Variants in TOMM40L observed in about 807,000 individuals in gnomAD.
The protein encoded by TOMM40L is mitochondrial import receptor subunit TOM40B.
In TOMM40L, 17 loss-of-function variants were observed where a neutral mutation model predicts 38.3. That is an observed-to-expected ratio of 0.44 (90% confidence interval 0.30 to 0.67). The LOEUF (loss-of-function observed/expected upper bound fraction) is 0.67, where lower values mean the gene tolerates loss of function less well. TOMM40L is among the 30% of genes least tolerant of loss of function. TOMM40L has a pLI of 0.08. For synonymous variants in TOMM40L, 151 were observed against 150.2 expected (o/e 1.01, Z -0.04); for missense variants, 294 against 390.0 (o/e 0.75, Z 2.07).
At position 161,229,852 on chromosome 1, in the gene TOMM40L, T is replaced by C. The variant is rs752758736; in HGVS notation, c.*757T>C. The C allele has an allele frequency of 1.9e-6, 3 of 1,614,108 alleles. No individual in the cohort carries two copies. The highest frequency in any genetic ancestry group is 2.5e-6 in the Non-Finnish European group (3 of 1,180,046). ...CATGGCAGACAGGCCCTGGATGTGC[T>C]GGATTTGGTACCCGTAGGCCTCATT... On this transcript the variant is annotated 3_prime_UTR_variant, in exon 10 of 10. Coordinates refer to ENST00000367988, the MANE Select transcript of TOMM40L (RefSeq NM_032174.6).
chr1:161,229,713 G>C lies in TOMM40L; in HGVS notation c.*618G>C. 1 of 1,614,162 alleles carries C rather than the reference G, an allele frequency of 6.2e-7. No individual in the cohort carries two copies. The highest frequency in any genetic ancestry group is 8.5e-7 in the Non-Finnish European group (1 of 1,180,022). On this transcript the variant is annotated 3_prime_UTR_variant, in exon 10 of 10. Transcript: ENST00000367988. ...CAACCACTGGGCTCCCTTTGAACCC[G>C]GCCCAATCTTTGGTCCCAGCATTTT...
In TOMM40L at chr1:161,228,436, T is replaced by C; in HGVS notation, c.616T>C (p.Trp206Arg). ...TACTTTGGATTTTACAGCTGTACAC[T>C]GGGTAGCTACATTGAATGTGGGATC... is the stretch of plus-strand genomic sequence containing the variant. ...TLAGKYSAVH[W>R]VATLNVGSGG... The change falls in exon 8 of 10, where the codon TGG (tryptophan) becomes CGG (arginine). Residue 206 changes from tryptophan to arginine, a missense_variant. By Grantham distance (101) the Trp-to-Arg change is moderately radical (BLOSUM62 -3). Coordinates refer to ENST00000367988, the MANE Select transcript of TOMM40L (RefSeq NM_032174.6). 1.2e-6 allele frequency: 2 copies of C among 1,614,076 alleles called. No individual in the cohort carries two copies. The highest frequency in any genetic ancestry group is 1.7e-6 in the Non-Finnish European group (2 of 1,179,998).
intron 1 of TOMM40L, 61 bp downstream of exon 1, chr1:161,226,197 G>GT: frequency 2.8e-6 from 1 of 355,878 alleles, no homozygotes; most frequent in South Asian, 3.4e-5. Flanking sequence ...GAATAGAGAG[G>GT]CTAGGGAGCT....
At position 161,226,953 on chromosome 1, in the gene TOMM40L, C is replaced by T; in HGVS notation, c.181C>T (p.Gln61Ter). The change falls in exon 3 of 10, where the codon CAG (glutamine) becomes TAG (stop). Residue 61 changes from glutamine (Q) to a stop codon, truncating the protein, a stop_gained and splice_region_variant. Transcript: ENST00000367988. LOFTEE classifies it high-confidence loss of function. Reference sequence around the variant, plus strand: ...CAACAAGGTTCTGAGCAGCCATTTCCAGGTGCTCCCACTTCTCTGGCCCCT... The same window carrying T: ...CAACAAGGTTCTGAGCAGCCATTTCTAGGTGCTCCCACTTCTCTGGCCCCT... ...VVNKVLSSHF[Q>*]VAHTIHMSAL... 4 of 1,614,068 alleles carry T rather than the reference C, an allele frequency of 2.5e-6. No individual in the cohort carries two copies. The South Asian group carries it at 3.3e-5, about 13-fold the overall frequency.
chr1:161,227,830 C>G lies in TOMM40L; in HGVS notation c.379-54C>G, dbSNP rs570334138. 3.1e-6 allele frequency: 5 copies of G among 1,605,506 alleles called. No homozygotes were observed. The African/African-American group carries it at 6.7e-5, about 21-fold the overall frequency. On this transcript the variant is annotated intron_variant, in intron 5 of 9. Coordinates refer to ENST00000367988, the MANE Select transcript of TOMM40L (RefSeq NM_032174.6). ...GAGGGCTTGGAAGGAGGAGCAGAGT[C>G]TATAATGATCATAAAGAGGGAGGGA...
Position 161,227,181 on chromosome 1 carries a change from G to T in TOMM40L, c.184-77G>T. ...ATTCTTGAGAGGCCCTCTGGATGGG[G>T]AAAAGACTAAGGGTGGGATGAGGGA... On this transcript the variant is annotated intron_variant, in intron 3 of 9. Transcript: ENST00000367988. 1 of 1,445,148 alleles carries T rather than the reference G, an allele frequency of 6.9e-7. No homozygotes were observed. Among genetic ancestry groups the T allele is most frequent in the Non-Finnish European group, 9.7e-7 (1 of 1,029,146 alleles). 89.5% of individuals were successfully genotyped at this position (1,445,148 alleles called of 1,614,324 possible).
chr1:161,226,725 A>T, intron 2 of TOMM40L, 121 bp downstream of exon 2: 1 of 1,262,036 alleles, frequency 7.9e-7, no homozygotes. Context: ...ATGCAGCCTC[A>T]GGGAGGATCA....
Position 161,228,780 on chromosome 1 carries a change from C to T in TOMM40L, c.750C>T (p.Tyr250=), listed in dbSNP as rs770976758. The change falls in exon 9 of 10, where the codon TAC becomes TAT. Residue 250 remains tyrosine (Y), a synonymous_variant. Transcript: ENST00000367988. ...AAGACACAACATTCTCCTTTGGTTA[C>T]CACCTGACTCTGCCCCAGGCCAACA... ...RLQDTTFSFG[Y]HLTLPQANMV... 8.1e-6 allele frequency: 13 copies of T among 1,614,124 alleles called. No homozygotes were observed. The highest frequency in any genetic ancestry group is 1.1e-5 in the Non-Finnish European group (13 of 1,180,022).
chr1:161,226,797 G>A lies in TOMM40L; in HGVS notation c.116-91G>A, dbSNP rs1466912417. The A allele has an allele frequency of 2.7e-6, 4 of 1,466,940 alleles. No individual in the cohort carries two copies. In the African/African-American group the frequency reaches 5.6e-5, roughly 21 times the overall value. The allele number at this position is 1,466,940 out of a possible 1,614,324, so 90.9% of individuals were successfully genotyped here. On this transcript the variant is annotated intron_variant, in intron 2 of 9. Coordinates refer to ENST00000367988, the MANE Select transcript of TOMM40L (RefSeq NM_032174.6). ...TTGAAAGGAGGTTAATTCCTCCAAA[G>A]TGTTCCCTATGGGATTGAAAGGGGA...
rs1446300601 is a variant in TOMM40L, at chr1:161,230,405, C to G, written c.*1310C>G. 2.7e-6 allele frequency: 1 copy of G among 376,014 alleles called. No homozygotes were observed. Among genetic ancestry groups the G allele is most frequent in the Non-Finnish European group, 4.8e-6 (1 of 209,228 alleles). The allele number at this position is 376,014 out of a possible 1,614,324, so 23.3% of individuals were successfully genotyped here. On this transcript the variant is annotated 3_prime_UTR_variant, in exon 10 of 10. Coordinates refer to ENST00000367988, the MANE Select transcript of TOMM40L (RefSeq NM_032174.6). ...TTTGACCATGAAACTGTGAATGGCC[C>G]TAACTTCAAGGGAAATGAGAAATCG...
In TOMM40L at chr1:161,226,336, C is replaced by T. The variant is rs1415386546; in HGVS notation, c.-135-19C>T. On this transcript the variant is annotated intron_variant, in intron 1 of 9. Transcript: ENST00000367988. ...TGTCTCTCCATGAGTGCTCTCCTTCCCTACTCTTCCTGTTCCAGGTGTAGC... is the reference window on the plus strand; with the variant it reads ...TGTCTCTCCATGAGTGCTCTCCTTCTCTACTCTTCCTGTTCCAGGTGTAGC... 6.2e-6 allele frequency: 4 copies of T among 647,296 alleles called. No individual in the cohort carries two copies. In the African/African-American group the frequency reaches 7.3e-5, roughly 12 times the overall value. The allele number at this position is 647,296 out of a possible 1,614,324, so 40.1% of individuals were successfully genotyped here.
chr1:161,228,705 T>C lies in TOMM40L; in HGVS notation c.685-10T>C, dbSNP rs745499142. On this transcript the variant is annotated splice_polypyrimidine_tract_variant and intron_variant, in intron 8 of 9. Coordinates refer to ENST00000367988, the MANE Select transcript of TOMM40L (RefSeq NM_032174.6). ...CTGATCTCTCTCTCATCCTTGCCCA[T>C]GGTTCTCAGGTTCAGGTTGGAGTGG... 6.2e-7 allele frequency: 1 copy of C among 1,614,106 alleles called. No individual in the cohort carries two copies. Among genetic ancestry groups the C allele is most frequent in the South Asian group, 1.1e-5 (1 of 91,084 alleles).
intron 1 of TOMM40L, 44 bp downstream of exon 1, chr1:161,226,180 G>T: frequency 6.8e-6 from 2 of 294,850 alleles, no homozygotes; most frequent in Non-Finnish European, 1.3e-5. Context: ...TGGGGCCTGG[G>T]AATGAAGAAT....
rs1558095192 is a variant in TOMM40L at position 161,226,535 on chromosome 1, C to T, written c.46C>T (p.Arg16Trp). The T allele has an allele frequency of 1.2e-6, 2 of 1,614,068 alleles. No homozygotes were observed. Among genetic ancestry groups the T allele is most frequent in the South Asian group, 1.1e-5 (1 of 91,080 alleles). Reference sequence around the variant, plus strand: ...GGCACCAATGGGGACTTTGCCCCGCCGGAGCCCCCGCCGAGAGGAACCCCT... The same window carrying T: ...GGCACCAATGGGGACTTTGCCCCGCTGGAGCCCCCGCCGAGAGGAACCCCT... The part of the protein sequence containing the change: ...GLAPMGTLPR[R>W]SPRREEPLPN... The change falls in exon 2 of 10, where the codon CGG becomes TGG. Residue 16 changes from arginine (R) to tryptophan (W), a missense_variant. By Grantham distance (101) the Arg-to-Trp change is moderately radical. Transcript: ENST00000367988.
Position 161,229,818 on chromosome 1 carries a change from C to T in TOMM40L, c.*723C>T, listed in dbSNP as rs141332323. On this transcript the variant is annotated 3_prime_UTR_variant, in exon 10 of 10. Coordinates refer to ENST00000367988, the MANE Select transcript of TOMM40L (RefSeq NM_032174.6). Reference sequence around the variant, plus strand: ...GGCCTCAGCTGCAGATCTCCTGGAGCAGCGGCATCATGGCAGACAGGCCCT... The same window carrying T: ...GGCCTCAGCTGCAGATCTCCTGGAGTAGCGGCATCATGGCAGACAGGCCCT... 4.3e-6 allele frequency: 7 copies of T among 1,614,248 alleles called. No individual in the cohort carries two copies. The highest frequency in any genetic ancestry group is 5.9e-6 in the Non-Finnish European group (7 of 1,180,050).
Position 161,226,541 on chromosome 1 carries a change from C to T in TOMM40L, c.52C>T (p.Pro18Ser). The T allele has an allele frequency of 1.2e-6, 2 of 1,614,116 alleles. No homozygotes were observed. Among genetic ancestry groups the T allele is most frequent in the Non-Finnish European group, 1.7e-6 (2 of 1,180,000 alleles). Residue 18 changes from proline (P) to serine (S), a missense_variant, in exon 2 of 10, where the codon CCC becomes TCC. Coordinates refer to ENST00000367988, the MANE Select transcript of TOMM40L (RefSeq NM_032174.6). ...AATGGGGACTTTGCCCCGCCGGAGC[C>T]CCCGCCGAGAGGAACCCCTGCCCAA... is the stretch of plus-strand genomic sequence containing the variant. ...APMGTLPRRS[P>S]RREEPLPNPG...
In TOMM40L at chr1:161,226,901, A is replaced by G. The variant is rs1322844009; in HGVS notation, c.129A>G (p.Ala43=). ...TACCCCCTTCAGATGTATTCCCAGC[A>G]CAGATGGAGGGAGTGAAGCTCGTTG... ...LHRLCKDVFP[A]QMEGVKLVVN... Residue 43 remains alanine (A), a synonymous_variant, in exon 3 of 10, where the codon GCA becomes GCG. Transcript: ENST00000367988. 1.2e-6 allele frequency: 2 copies of G among 1,614,098 alleles called. No homozygotes were observed. Among genetic ancestry groups the G allele is most frequent in the Admixed American group, 1.7e-5 (1 of 60,014 alleles).
rs66513069 is a variant in TOMM40L at position 161,230,587 on chromosome 1, TAA to T, written c.*1501_*1502del. 2 of 554,468 alleles carry T rather than the reference TAA, an allele frequency of 3.6e-6. No homozygotes were observed. Among genetic ancestry groups the T allele is most frequent in the Non-Finnish European group, 6.3e-6 (2 of 318,104 alleles). The allele number at this position is 554,468 out of a possible 1,614,324, so 34.3% of individuals were successfully genotyped here. A position where few individuals can be genotyped will look rare whatever the true frequency, so the allele number is the denominator to read the frequency against. ...GCTACTACTTTGCATCTGTACTGAATAAAAAAAAAATCTGGAAAAAGTGAGAT... is the reference window on the plus strand; with the variant it reads ...GCTACTACTTTGCATCTGTACTGAATAAAAAAAATCTGGAAAAAGTGAGAT... On this transcript the variant is annotated 3_prime_UTR_variant, in exon 10 of 10. Coordinates refer to ENST00000367988, the MANE Select transcript of TOMM40L (RefSeq NM_032174.6).
At chr1:161,226,766 C>A in intron 2 of TOMM40L, 122 bp from the exon 3 acceptor site, 2 of 1,295,994 alleles carry the variant, frequency 1.5e-6, no homozygotes, top group Non-Finnish European at 1.1e-6. Context: ...CATTTCATTG[C>A]AGGACTTGAA....
Sources: allele counts gnomAD v4.1 joint callset, GRCh38; gene constraint gnomAD v4.1.1; transcripts MANE v1.5; gene names NCBI Gene and HGNC (gene_info 2026-07-23, HGNC 2026-07-21).